Variants in DPP4 observed in about 807,000 individuals in gnomAD.
DPP4 encodes the protein ADCP-2.
A neutral mutation model predicts 122.4 loss-of-function variants in DPP4; 93 were observed. The observed-to-expected ratio is 0.76, with a 90% CI of 0.64 to 0.90. DPP4 has a LOEUF of 0.90. Ranked by LOEUF, DPP4 falls within the 40% of genes least tolerant of loss-of-function variation. The probability of loss-of-function intolerance (pLI) is 0.00; values close to 1 mark genes in which losing one functional copy is unlikely to be tolerated. For synonymous variants in DPP4, 321 were observed against 302.9 expected (o/e 1.06, Z -0.62); for missense variants, 914 against 907.3 (o/e 1.01, Z -0.09).
intron 21 of DPP4, 112 bp from the exon 22 acceptor site, chr2:162,008,773 T>G (rs1701347743): frequency 2.1e-6 from 2 of 940,374 alleles, no homozygotes; most frequent in African/African-American, 1.6e-5. Context: ...TCTTTAGAGA[T>G]AAAAAGCATG....
At chr2:162,027,604 A>C (rs1219085213) in intron 10 of DPP4, among the ~76,000 whole-genome samples, 1 of 152,160 alleles carries the variant, frequency 6.6e-6, no homozygotes, top group Non-Finnish European at 1.5e-5. Flanking sequence ...GGGCTCCAGC[A>C]ATATTCTTCT....
At chr2:162,012,115 T>C in intron 19 of DPP4, 128 bp from the exon 20 acceptor site, 1 of 834,578 alleles carries the variant, frequency 1.2e-6, no homozygotes, top group Non-Finnish European at 1.8e-6. Context: ...TGCCAGCCTA[T>C]GGGGTGTCCA....
In DPP4 at chr2:161,993,230, T is replaced by A; in HGVS notation, c.*53A>T. 1 of 1,407,054 alleles carries A rather than the reference T, an allele frequency of 7.1e-7. No individual in the cohort carries two copies. Among genetic ancestry groups the A allele is most frequent in the Non-Finnish European group, 1.0e-6 (1 of 993,416 alleles). The allele number at this position is 1,407,054 out of a possible 1,614,324, so 87.2% of individuals were successfully genotyped here. ...TCTTGACAGTGCAGTTTTGAGATAATGAAAACAAAAATGAGTTTTAATAAG... is the reference window on the plus strand; with the variant it reads ...TCTTGACAGTGCAGTTTTGAGATAAAGAAAACAAAAATGAGTTTTAATAAG... On this transcript the variant is annotated 3_prime_UTR_variant, in exon 26 of 26. Coordinates refer to ENST00000360534, the MANE Select transcript of DPP4 (RefSeq NM_001935.4).
intron 2 of DPP4, among the ~76,000 whole-genome samples, chr2:162,066,328 A>C (rs933178589): frequency 6.6e-6 from 1 of 151,912 alleles, no homozygotes; most frequent in African/African-American, 2.4e-5. Context: ...ACCTGGACAA[A>C]CCACACCAAC....
At chr2:162,065,002 G>C (rs1423004274) in intron 2 of DPP4, among the ~76,000 whole-genome samples, 1 of 152,314 alleles carries the variant, frequency 6.6e-6, no homozygotes, top group South Asian at 2.1e-4. Flanking sequence ...GCCTACATAG[G>C]CCGTCTCCCC....
At chr2:162,006,001 T>A (rs1701275021) in intron 22 of DPP4, among the ~76,000 whole-genome samples, 192 bp from the exon 23 acceptor site, 1 of 152,190 alleles carries the variant, frequency 6.6e-6, no homozygotes, top group Non-Finnish European at 1.5e-5. Context: ...AGGTAATTTT[T>A]TACTTGGTTT....
chr2:162,061,454 T>G (rs1684768327), intron 2 of DPP4, among the ~76,000 whole-genome samples: 2 of 152,230 alleles, frequency 1.3e-5, no homozygotes, highest in African/African-American at 4.8e-5. Flanking sequence ...ATGTTTATTT[T>G]CTGTACCACA....
chr2:162,033,305 C>A (rs1247370037), intron 10 of DPP4, among the ~76,000 whole-genome samples: 2 of 152,136 alleles, frequency 1.3e-5, no homozygotes, highest in African/African-American at 2.4e-5. Flanking sequence ...TGAATGTAGG[C>A]TCCATAACAC....
rs565773377 is a variant in DPP4, at chr2:162,017,292, T to C, written c.1421-137A>G. 273 of 693,076 alleles carry C rather than the reference T, an allele frequency of 3.9e-4. 1 individual carries two copies. The African/African-American group carries it at 4.8e-3, about 12-fold the overall frequency. The allele number at this position is 693,076 out of a possible 1,614,324, so 42.9% of individuals were successfully genotyped here. A position where few individuals can be genotyped will look rare whatever the true frequency, so the allele number is the denominator to read the frequency against. On this transcript the variant is annotated intron_variant, in intron 16 of 25. Coordinates refer to ENST00000360534, the MANE Select transcript of DPP4 (RefSeq NM_001935.4). ...TAAATATTATAATGCATAAGAAGTT[T>C]AATACATGTTAGCTGTTTCTCCTCC...
intron 7 of DPP4, 43 bp from the exon 8 acceptor site, chr2:162,038,465 C>A: frequency 6.4e-7 from 1 of 1,556,708 alleles, no homozygotes; most frequent in South Asian, 1.2e-5. Flanking sequence ...TAATACATGT[C>A]ATATTTTTAT....
In DPP4 at chr2:162,031,835, G is replaced by A. The variant is rs150112932; in HGVS notation, c.887+1706C>T. On this transcript the variant is annotated intron_variant, in intron 10 of 25. Transcript: ENST00000360534. ...GCACAGGCTTTCTATGGACATTTGG[G>A]AGTAGAAACAGAGGCTGCCCATCAA... 6.2e-3 allele frequency among the ~76,000 whole-genome samples: 948 copies of A among 152,246 alleles called. 9 individuals carry two copies. Among genetic ancestry groups the A allele is most frequent in the African/African-American group, 0.022 (909 of 41,526 alleles).
At chr2:162,011,135 C>T (rs1682692811) in intron 20 of DPP4, among the ~76,000 whole-genome samples, 1 of 152,158 alleles carries the variant, frequency 6.6e-6, no homozygotes, top group Admixed American at 6.5e-5. Context: ...AGGTAAAGCA[C>T]TTCTCATGCA....
At chr2:162,056,714 C>A (rs575921671) in intron 2 of DPP4, among the ~76,000 whole-genome samples, 2 of 152,106 alleles carry the variant, frequency 1.3e-5, no homozygotes, top group South Asian at 2.1e-4. Context: ...CTTTCTAAGA[C>A]GAAGAAAAAG....
At chr2:162,017,364 G>A (rs1161265944) in intron 16 of DPP4, 6 of 557,202 alleles carry the variant, frequency 1.1e-5, no homozygotes, top group South Asian at 2.8e-5. Flanking sequence ...AGTATTACTG[G>A]AAAGGCACAG....
At chr2:162,037,850 A>G (rs1683831473) in intron 8 of DPP4, among the ~76,000 whole-genome samples, 2 of 152,180 alleles carry the variant, frequency 1.3e-5, no homozygotes, top group African/African-American at 4.8e-5. Flanking sequence ...AAATAAATAC[A>G]AATCCTCTAT....
rs190684728 is a variant in DPP4 at position 162,015,467 on chromosome 2, T to C, written c.1568-1002A>G. ...ACCAAACTATCAGTTGACCATGATATTTTTAATGAATATGCAAAACCCATC... is the reference window on the plus strand; with the variant it reads ...ACCAAACTATCAGTTGACCATGATACTTTTAATGAATATGCAAAACCCATC... On this transcript the variant is annotated intron_variant, in intron 18 of 25. Coordinates refer to ENST00000360534, the MANE Select transcript of DPP4 (RefSeq NM_001935.4). 1.6e-4 allele frequency among the ~76,000 whole-genome samples: 24 copies of C among 152,352 alleles called. No homozygotes were observed. In the East Asian group the frequency reaches 4.6e-3, roughly 29 times the overall value.
At chr2:162,011,280 C>T (rs1042803143) in intron 20 of DPP4, among the ~76,000 whole-genome samples, 2 of 152,018 alleles carry the variant, frequency 1.3e-5, no homozygotes, top group Admixed American at 6.6e-5. Flanking sequence ...TACATAGTAC[C>T]GATGATGGTT....
chr2:162,059,944 T>G (rs1264881407), intron 2 of DPP4, among the ~76,000 whole-genome samples: 1 of 152,232 alleles, frequency 6.6e-6, no homozygotes, highest in Non-Finnish European at 1.5e-5. Context: ...CAATGTAGAC[T>G]TTCAACCCAC....
intron 10 of DPP4, among the ~76,000 whole-genome samples, 170 bp from the exon 11 acceptor site, chr2:162,025,109 G>A (rs1559713209): frequency 6.6e-6 from 1 of 152,132 alleles, no homozygotes; most frequent in African/African-American, 2.4e-5. Flanking sequence ...TTTTCTTAAA[G>A]CTTAAAGTGT....
Sources: allele counts gnomAD v4.1 joint callset (sites outside exome capture counted in the v4.1 genomes callset), GRCh38; gene constraint gnomAD v4.1.1; transcripts MANE v1.5; gene names NCBI Gene and HGNC (gene_info 2026-07-23, HGNC 2026-07-21).